Variants in EFCAB6 observed in about 807,000 individuals in gnomAD.
EFCAB6 encodes the protein EF-hand calcium-binding domain-containing protein 6.
In EFCAB6, 156 loss-of-function variants were observed where a neutral mutation model predicts 169.8. The ratio of observed to expected loss-of-function variants is 0.92; its 90% CI spans 0.81 to 1.05. The LOEUF (loss-of-function observed/expected upper bound fraction) is 1.05, where lower values mean the gene tolerates loss of function less well. EFCAB6 is among the 50% of genes least tolerant of loss of function. The pLI, the probability that EFCAB6 is intolerant of heterozygous loss-of-function variation, is 0.00. For synonymous variants in EFCAB6, 698 were observed against 676.4 expected (o/e 1.03, Z -0.50); for missense variants, 1,800 against 1,829.1 (o/e 0.98, Z 0.29).
chr22:43,650,099 G>A (rs2148049063), intron 17 of EFCAB6, among the ~76,000 whole-genome samples: 1 of 152,246 alleles, frequency 6.6e-6, no homozygotes, highest in East Asian at 1.9e-4. Flanking sequence ...GGGATTTTTT[G>A]GTCACCTTGT....
intron 24 of EFCAB6, among the ~76,000 whole-genome samples, chr22:43,584,951 A>G (rs1032565509): frequency 3.3e-5 from 5 of 152,230 alleles, no homozygotes; most frequent in South Asian, 2.1e-4. Context: ...GAGCCTTTGC[A>G]CCAATAGCTA....
chr22:43,715,262 A>C (rs2059292716), intron 9 of EFCAB6, among the ~76,000 whole-genome samples: 1 of 152,168 alleles, frequency 6.6e-6, no homozygotes, highest in Non-Finnish European at 1.5e-5. Context: ...TGCAGGGTTA[A>C]GGGCAGGGAC....
chr22:43,602,438 T>C (rs993466623), intron 22 of EFCAB6, among the ~76,000 whole-genome samples: 2 of 152,162 alleles, frequency 1.3e-5, no homozygotes, highest in Non-Finnish European at 2.9e-5. Flanking sequence ...TCCCTGTTGC[T>C]GGTAATGCTA....
chr22:43,680,209 A>T (rs1007998716), intron 12 of EFCAB6, among the ~76,000 whole-genome samples: 2 of 152,156 alleles, frequency 1.3e-5, no homozygotes, highest in African/African-American at 4.8e-5. Context: ...ATTTTAACAG[A>T]TATTTTCCTT....
At chr22:43,553,888 T>A (rs1291239800) in intron 27 of EFCAB6, 1 of 152,550 alleles carries the variant, frequency 6.6e-6, no homozygotes, top group African/African-American at 2.4e-5. Context: ...GGGAGGAGGA[T>A]CTTAGAGAGG....
At chr22:43,531,009 G>A (rs769389964) in intron 30 of EFCAB6, 45 bp from the exon 31 acceptor site, 7 of 1,611,192 alleles carry the variant, frequency 4.3e-6, no homozygotes, top group Non-Finnish European at 5.9e-6. Flanking sequence ...TTTTGAACAC[G>A]AGGGTTGGGG....
chr22:43,797,830 C>T (rs572861393), intron 2 of EFCAB6, among the ~76,000 whole-genome samples: 2 of 152,316 alleles, frequency 1.3e-5, no homozygotes, highest in African/African-American at 4.8e-5. Flanking sequence ...CCTCCCCCGG[C>T]TCCCTCTGCC....
At chr22:43,675,136 A>G (rs1333470119) in intron 13 of EFCAB6, among the ~76,000 whole-genome samples, 1 of 148,906 alleles carries the variant, frequency 6.7e-6, no homozygotes, top group Non-Finnish European at 1.5e-5. Flanking sequence ...AAGGAATTTT[A>G]TATATATTAT....
chr22:43,726,841 G>C (rs919190877), intron 8 of EFCAB6, among the ~76,000 whole-genome samples: 2 of 152,200 alleles, frequency 1.3e-5, no homozygotes, highest in African/African-American at 4.8e-5. Context: ...ACAAAGTTTA[G>C]AGTCTGAATA....
At chr22:43,803,315 G>T (rs569858591) in intron 2 of EFCAB6, among the ~76,000 whole-genome samples, 1 of 152,254 alleles carries the variant, frequency 6.6e-6, no homozygotes, top group Admixed American at 6.5e-5. Flanking sequence ...AGTCATGCTT[G>T]GGTCATGAAA....
intron 26 of EFCAB6, among the ~76,000 whole-genome samples, chr22:43,566,011 CAAA>C (rs34175291): frequency 2.3e-4 from 33 of 146,480 alleles, no homozygotes; most frequent in African/African-American, 2.2e-4. Context: ...AACTGCCTGT[CAAA>C]AAAAAAAAAA....
At chr22:43,578,138 C>G (rs1198050159) in intron 25 of EFCAB6, among the ~76,000 whole-genome samples, 5 of 152,156 alleles carry the variant, frequency 3.3e-5, no homozygotes, top group African/African-American at 1.2e-4. Context: ...CCTTCCTCCT[C>G]AGGTTCTGGG....
intron 27 of EFCAB6, among the ~76,000 whole-genome samples, chr22:43,544,450 C>T (rs2047925717): frequency 6.6e-6 from 1 of 152,160 alleles, no homozygotes; most frequent in Non-Finnish European, 1.5e-5. Flanking sequence ...GCAGACACAA[C>T]AGACACAACT....
At chr22:43,678,536 G>A (rs2057873549) in intron 12 of EFCAB6, among the ~76,000 whole-genome samples, 1 of 152,090 alleles carries the variant, frequency 6.6e-6, no homozygotes, top group Non-Finnish European at 1.5e-5. Flanking sequence ...AGAGCTGGGG[G>A]TTCAACCACA....
At chr22:43,591,128 T>TG (rs2051505401) in intron 23 of EFCAB6, among the ~76,000 whole-genome samples, 1 of 150,540 alleles carries the variant, frequency 6.6e-6, no homozygotes, top group Non-Finnish European at 1.5e-5. Flanking sequence ...TTTTTTGTTT[T>TG]TTTTTTGTTT....
rs146723379 is a variant in EFCAB6 at position 43,641,683 on chromosome 22, T to A, written c.1984-6467A>T. 8.6e-4 allele frequency among the ~76,000 whole-genome samples: 129 copies of A among 150,256 alleles called. 2 individuals carry two copies. The highest frequency in any genetic ancestry group is 3.1e-3 in the African/African-American group (127 of 40,830). The stretch of plus-strand genomic sequence containing the variant: ...TTTCCTTGTGAGACACACAAAAGGA[T>A]CCAGGAGGAAAGGGAGACAGGACAG... On this transcript the variant is annotated intron_variant, in intron 17 of 31. Transcript: ENST00000262726.
At chr22:43,661,301 C>G (rs541856575) in intron 17 of EFCAB6, among the ~76,000 whole-genome samples, 11 of 152,146 alleles carry the variant, frequency 7.2e-5, no homozygotes, top group African/African-American at 2.4e-4. Flanking sequence ...TCACTTCAGC[C>G]CAGGAGATTG....
chr22:43,709,116 C>G (rs1367366588), intron 10 of EFCAB6, among the ~76,000 whole-genome samples: 2 of 152,144 alleles, frequency 1.3e-5, no homozygotes, highest in Non-Finnish European at 2.9e-5. Context: ...GAGTCGTGCT[C>G]TGTTGCCCAG....
chr22:43,672,139 A>G lies in EFCAB6; in HGVS notation c.1480-6T>C. The G allele has an allele frequency of 1.2e-6, 2 of 1,613,094 alleles. No individual in the cohort carries two copies. The highest frequency in any genetic ancestry group is 8.5e-7 in the Non-Finnish European group (1 of 1,179,680). On this transcript the variant is annotated splice_polypyrimidine_tract_variant and splice_region_variant and intron_variant, in intron 14 of 31. Transcript: ENST00000262726. ...TCATGAACAATTTCTTCCACCTAAC[A>G]TTAAAAAACAAACATATTTCCTAAG... is the stretch of plus-strand genomic sequence containing the variant.
Sources: allele counts gnomAD v4.1 joint callset (sites outside exome capture counted in the v4.1 genomes callset), GRCh38; gene constraint gnomAD v4.1.1; transcripts MANE v1.5; gene names NCBI Gene and HGNC (gene_info 2026-07-23, HGNC 2026-07-21).